The following CNIH3 variants were observed in gnomAD, a reference collection of about 807,000 sequenced individuals.
CNIH3 encodes cornichon family AMPA receptor auxiliary protein 3.
A neutral mutation model predicts 24.1 loss-of-function variants in CNIH3; 14 were observed. That is an observed-to-expected ratio of 0.58 (90% confidence interval 0.38 to 0.91). The LOEUF is 0.91. CNIH3 is among the 40% of genes least tolerant of loss of function. The probability of loss-of-function intolerance (pLI) is 0.00; values close to 1 mark genes in which losing one functional copy is unlikely to be tolerated. For synonymous variants in CNIH3, 68 were observed against 73.8 expected, an observed-to-expected ratio of 0.92 and a Z score of 0.40; for missense variants, 178 against 196.8, an observed-to-expected ratio of 0.90 and a Z score of 0.57.
At chr1:224,528,751 C>T (rs1201734156) in intron 2 of CNIH3, among the ~76,000 whole-genome samples, 2 of 151,968 alleles carry the variant, frequency 1.3e-5, no homozygotes, top group African/African-American at 2.4e-5. Context: ...TTTATGGTCA[C>T]AATATAAAGA....
intron 2 of CNIH3, chr1:224,521,384 T>A (rs1472179772): frequency 6.6e-6 from 1 of 152,194 alleles, no homozygotes; most frequent in Non-Finnish European, 1.5e-5. Flanking sequence ...AGTTTTAAGA[T>A]GCTTTCAATT....
At chr1:224,615,816 C>T (rs887603506), upstream of CNIH3, 5 of 152,226 alleles carry the variant, frequency 3.3e-5, no homozygotes, top group African/African-American at 4.8e-5. Context: ...TAAACGCAGC[C>T]CTAAGCACTG....
chr1:224,564,559 A>G (rs1272618778), intron 3 of CNIH3, among the ~76,000 whole-genome samples: 1 of 152,252 alleles, frequency 6.6e-6, no homozygotes, highest in Non-Finnish European at 1.5e-5. Context: ...CAAGGGTTAA[A>G]ACTTGAAGAG....
intron 3 of CNIH3, among the ~76,000 whole-genome samples, chr1:224,690,849 AG>A (rs1553291383): frequency 6.6e-6 from 1 of 152,152 alleles, no homozygotes; most frequent in Non-Finnish European, 1.5e-5. Context: ...CTCCAGGTAT[AG>A]TACCGGAAAT....
chr1:224,646,360 T>C (rs755687738), intron 1 of CNIH3, among the ~76,000 whole-genome samples: 5 of 152,236 alleles, frequency 3.3e-5, no homozygotes, highest in Non-Finnish European at 5.9e-5. Flanking sequence ...CCAAGTTGCC[T>C]TGGGGAGTGC....
At position 224,481,046 on chromosome 1, in the gene CNIH3, G is replaced by C. The variant is rs182490545; in HGVS notation, n.204-34695G>C. On this transcript the variant is annotated intron_variant and non_coding_transcript_variant, in intron 1 of 5. Transcript: ENST00000471578. ...AGGTTTATTGGACTTACAGTTCCAC[G>C]TGCCTGGGGAGGGGTGACAATCATC... Among the ~76,000 whole-genome samples, 122 of 152,366 alleles carry C rather than the reference G, an allele frequency of 8.0e-4. 1 individual carries two copies. Among genetic ancestry groups the C allele is most frequent in the African/African-American group, 2.6e-3 (108 of 41,582 alleles).
chr1:224,612,354 T>C (rs1428142396), upstream of CNIH3, among the ~76,000 whole-genome samples: 4 of 152,090 alleles, frequency 2.6e-5, no homozygotes, highest in African/African-American at 9.7e-5. The surrounding 1 kb of genome is among the most constrained non-coding windows in gnomAD (Gnocchi z 4.7). Context: ...AGGAGGTGGC[T>C]GAGGTATGCT....
In CNIH3 at chr1:224,739,524, G is replaced by A. The variant is rs373154087; in HGVS notation, c.*168G>A. The A allele has an allele frequency of 2.1e-5, 27 of 1,267,310 alleles. No homozygotes were observed. The African/African-American group carries it at 2.7e-4, about 13-fold the overall frequency. 78.5% of individuals were successfully genotyped at this position (1,267,310 alleles called of 1,614,324 possible). A position where few individuals can be genotyped will look rare whatever the true frequency, so the allele number is the denominator to read the frequency against. On this transcript the variant is annotated 3_prime_UTR_variant, in exon 6 of 6. Transcript: ENST00000272133. ...TGGAATCACGCAGCAGCTGGGAGCC[G>A]AGTTAACCCTGCGTGTCTGTGTCAC...
At chr1:224,657,896 T>C (rs549354142) in intron 1 of CNIH3, among the ~76,000 whole-genome samples, 1 of 152,340 alleles carries the variant, frequency 6.6e-6, no homozygotes, top group Non-Finnish European at 1.5e-5. Flanking sequence ...AGATTGGTTA[T>C]TTCTGTGGCA....
chr1:224,484,487 T>A (rs1418950235), intron 1 of CNIH3, among the ~76,000 whole-genome samples: 2 of 152,152 alleles, frequency 1.3e-5, no homozygotes, highest in African/African-American at 4.8e-5. Context: ...GACTATGATA[T>A]GTGTTGGTGT....
At chr1:224,709,449 A>G (rs747781702) in intron 3 of CNIH3, among the ~76,000 whole-genome samples, 1 of 152,196 alleles carries the variant, frequency 6.6e-6, no homozygotes, top group Non-Finnish European at 1.5e-5. Context: ...GAGCCGAAGA[A>G]CCATGTGGTA....
At chr1:224,440,131 C>T (rs1674834035) in intron 1 of CNIH3, among the ~76,000 whole-genome samples, 1 of 152,244 alleles carries the variant, frequency 6.6e-6, no homozygotes, top group Admixed American at 6.5e-5. Context: ...CCATGTTGAC[C>T]AGGATGGTCT....
chr1:224,601,869 T>G (rs943813365), intron 3 of CNIH3, among the ~76,000 whole-genome samples: 3 of 152,358 alleles, frequency 2.0e-5, no homozygotes, highest in East Asian at 3.9e-4. Flanking sequence ...GGTGATTGAA[T>G]ACAGTGACTT....
intron 1 of CNIH3, among the ~76,000 whole-genome samples, chr1:224,481,783 G>A (rs1676822767): frequency 1.3e-5 from 2 of 152,200 alleles, no homozygotes; most frequent in Non-Finnish European, 2.9e-5. Context: ...GAAGGCCCTA[G>A]GGCTCTACAC....
intron 3 of CNIH3, among the ~76,000 whole-genome samples, chr1:224,694,124 A>G (rs892864911): frequency 6.6e-6 from 1 of 152,206 alleles, no homozygotes; most frequent in Non-Finnish European, 1.5e-5. Context: ...AGAGAAGTTG[A>G]CAGCAGACAG....
At chr1:224,609,111 T>C (rs1682565307) in intron 3 of CNIH3, among the ~76,000 whole-genome samples, 1 of 152,164 alleles carries the variant, frequency 6.6e-6, no homozygotes, top group South Asian at 2.1e-4. Context: ...ATGCCTGTTG[T>C]TGGAGGGAGG....
At chr1:224,656,449 A>G (rs1200287663) in intron 1 of CNIH3, among the ~76,000 whole-genome samples, 2 of 152,224 alleles carry the variant, frequency 1.3e-5, no homozygotes, top group African/African-American at 4.8e-5. Context: ...CCACATGCGA[A>G]AAGCTAGGGT....
At chr1:224,570,258 C>T (rs547124924) in intron 4 of CNIH3, among the ~76,000 whole-genome samples, 5 of 152,254 alleles carry the variant, frequency 3.3e-5, no homozygotes, top group East Asian at 3.9e-4. Context: ...GGAGTACAAT[C>T]GATCCTGTCA....
At chr1:224,517,683 C>T (rs1375786259) in intron 1 of CNIH3, among the ~76,000 whole-genome samples, 2 of 149,578 alleles carry the variant, frequency 1.3e-5, no homozygotes, top group Admixed American at 6.6e-5. Context: ...TATGCCTTTG[C>T]GTCCTTATAG....
Sources: allele counts gnomAD v4.1 joint callset (sites outside exome capture counted in the v4.1 genomes callset), GRCh38; gene constraint gnomAD v4.1.1; non-coding constraint Gnocchi (gnomAD v3.1); transcripts MANE v1.5; gene names NCBI Gene and HGNC (gene_info 2026-07-23, HGNC 2026-07-21).